Variants in LUZP2 observed in about 807,000 individuals in gnomAD.
The protein encoded by LUZP2 is leucine zipper protein 2.
LUZP2 carries 52 observed loss-of-function variants against 51.6 expected under a neutral mutation model. That is an observed-to-expected ratio of 1.01 (90% CI 0.81 to 1.27). LUZP2 has a LOEUF of 1.27. Among genes scored for constraint, LUZP2 ranks in the 50% most tolerant of loss-of-function variants. The pLI is 0.00. For missense variants in LUZP2, 436 were observed against 395.4 expected (o/e 1.10, Z -0.87); for synonymous variants, 154 against 137.3 (o/e 1.12, Z -0.85).
intron 9 of LUZP2, among the ~76,000 whole-genome samples, chr11:24,991,860 T>C (rs1199276302): frequency 6.6e-6 from 1 of 152,120 alleles, no homozygotes; most frequent in Non-Finnish European, 1.5e-5. Context: ...GCCATTTGTA[T>C]GTTTTCTTTT....
Position 25,050,126 on chromosome 11 carries a change from A to C in LUZP2, c.854A>C (p.Gln285Pro), listed in dbSNP as rs781095500. The C allele has an allele frequency of 1.4e-5, 22 of 1,582,572 alleles. 1 individual carries two copies. In the South Asian group the frequency reaches 2.4e-4, roughly 17 times the overall value. Residue 285 changes from glutamine to proline, a missense_variant, in exon 10 of 12, where the codon CAA becomes CCA. Coordinates refer to ENST00000336930, the MANE Select transcript of LUZP2 (RefSeq NM_001009909.4). ...GNPSTTACDS[Q>P]DEGRPCSMKH... ...CCAAGTACCACTGCCTGTGACTCTC[A>C]AGATGTAAGAAAAACTTAAGATGCT...
intron 9 of LUZP2, among the ~76,000 whole-genome samples, chr11:24,999,775 G>A (rs745739449): frequency 1.4e-4 from 22 of 152,132 alleles, no homozygotes; most frequent in African/African-American, 2.7e-4. Flanking sequence ...TATTGTGTCC[G>A]GAATTGGTTC....
intron 1 of LUZP2, among the ~76,000 whole-genome samples, chr11:24,630,958 G>A (rs904943114): frequency 4.0e-5 from 6 of 151,704 alleles, no homozygotes; most frequent in East Asian, 3.9e-4. Context: ...TGTAGCTATC[G>A]TAAATGGAAT....
chr11:24,987,809 T>A (rs111445584), intron 9 of LUZP2, among the ~76,000 whole-genome samples: 14 of 152,008 alleles, frequency 9.2e-5, no homozygotes, highest in African/African-American at 3.1e-4. Flanking sequence ...AAAGTAGTTT[T>A]TTAAGAAACC....
chr11:24,520,620 T>C (rs1419673849), intron 1 of LUZP2, among the ~76,000 whole-genome samples: 1 of 152,224 alleles, frequency 6.6e-6, no homozygotes, highest in Non-Finnish European at 1.5e-5. Flanking sequence ...ATGTTAATTA[T>C]CCTTTTTGGG....
At chr11:25,011,835 G>T (rs978131560) in intron 9 of LUZP2, among the ~76,000 whole-genome samples, 1 of 151,560 alleles carries the variant, frequency 6.6e-6, no homozygotes, top group African/African-American at 2.4e-5. Context: ...TATATCTGTT[G>T]GGAATATTTC....
chr11:24,724,988 G>A (rs528544051), intron 1 of LUZP2, among the ~76,000 whole-genome samples: 1 of 152,278 alleles, frequency 6.6e-6, no homozygotes, highest in South Asian at 2.1e-4. Flanking sequence ...CATAATAAAT[G>A]AGAGTATATT....
chr11:24,874,890 T>C (rs1000245367), intron 5 of LUZP2, among the ~76,000 whole-genome samples: 1 of 152,112 alleles, frequency 6.6e-6, no homozygotes, highest in African/African-American at 2.4e-5. Flanking sequence ...ATATTGATAG[T>C]TTTTTCCCAA....
chr11:25,054,923 G>A (rs1464124472), intron 10 of LUZP2, among the ~76,000 whole-genome samples: 1 of 138,214 alleles, frequency 7.2e-6, no homozygotes, highest in Non-Finnish European at 1.5e-5. Context: ...CAAATAATAA[G>A]ACCAAAACAT....
At chr11:24,638,775 TTAAC>T (rs1196708661) in intron 1 of LUZP2, among the ~76,000 whole-genome samples, 2 of 151,576 alleles carry the variant, frequency 1.3e-5, no homozygotes, top group African/African-American at 2.4e-5. Flanking sequence ...AATTGATACA[TTAAC>T]TAACCTAATC....
At chr11:25,026,688 TA>T (rs1857501980) in intron 9 of LUZP2, among the ~76,000 whole-genome samples, 1 of 152,058 alleles carries the variant, frequency 6.6e-6, no homozygotes, top group Admixed American at 6.6e-5. Flanking sequence ...TTTTAAAAGG[TA>T]GCATGATTGG....
intron 1 of LUZP2, among the ~76,000 whole-genome samples, chr11:24,646,070 A>G (rs1344716010): frequency 6.6e-6 from 1 of 152,000 alleles, no homozygotes; most frequent in Non-Finnish European, 1.5e-5. Context: ...TGAATTTCAG[A>G]TTCTTTATAA....
chr11:24,567,748 C>A, intron 1 of LUZP2, among the ~76,000 whole-genome samples: 1 of 151,714 alleles, frequency 6.6e-6, no homozygotes. Context: ...GCTTCATTTC[C>A]AAAATGAAGA....
intron 1 of LUZP2, among the ~76,000 whole-genome samples, chr11:24,549,869 A>G (rs1163949949): frequency 6.6e-6 from 1 of 152,074 alleles, no homozygotes; most frequent in Non-Finnish European, 1.5e-5. Context: ...ATTTATGGAC[A>G]TGAATTGGAA....
intron 1 of LUZP2, among the ~76,000 whole-genome samples, chr11:24,533,252 C>T (rs1195730374): frequency 6.6e-6 from 1 of 151,212 alleles, no homozygotes; most frequent in African/African-American, 2.4e-5. Context: ...TGATTCAATT[C>T]TGTGTGTGGG....
intron 5 of LUZP2, among the ~76,000 whole-genome samples, chr11:24,776,301 C>T (rs552275967): frequency 1.3e-3 from 197 of 152,176 alleles, no homozygotes; most frequent in African/African-American, 4.6e-3. Context: ...ATTGGACTAA[C>T]GGAAAAATCC....
chr11:24,506,344 G>T (rs1393869804), intron 1 of LUZP2, among the ~76,000 whole-genome samples: 1 of 151,990 alleles, frequency 6.6e-6, no homozygotes, highest in African/African-American at 2.4e-5. Flanking sequence ...GGCAGGAAAA[G>T]GTGGGAAAGT....
At chr11:24,962,480 C>A (rs572521126) in intron 7 of LUZP2, among the ~76,000 whole-genome samples, 1 of 152,106 alleles carries the variant, frequency 6.6e-6, no homozygotes, top group Non-Finnish European at 1.5e-5. Context: ...ATTCTTTTTT[C>A]TCTAAACTTC....
intron 1 of LUZP2, among the ~76,000 whole-genome samples, chr11:24,627,642 G>A (rs1277689787): frequency 1.3e-5 from 2 of 152,150 alleles, no homozygotes; most frequent in Admixed American, 1.3e-4. Context: ...TGTTCTGTTT[G>A]CAAAACCCAC....
Sources: allele counts gnomAD v4.1 joint callset (sites outside exome capture counted in the v4.1 genomes callset), GRCh38; gene constraint gnomAD v4.1.1; transcripts MANE v1.5; gene names NCBI Gene and HGNC (gene_info 2026-07-23, HGNC 2026-07-21).